NALF1: variants seen among roughly 807,000 people sequenced by gnomAD.
The protein encoded by NALF1 is NALCN channel auxiliary factor 1, also known as family with sequence similarity 155 member A.
A neutral mutation model predicts 48.4 loss-of-function variants in NALF1; 3 were observed. The observed-to-expected ratio is 0.06, with a 90% confidence interval of 0.03 to 0.16. NALF1 has a LOEUF of 0.16. Among genes scored for constraint, NALF1 ranks in the 10% least tolerant of loss-of-function variants. The pLI is 1.00. For missense variants in NALF1, 526 were observed against 571.5 expected (o/e 0.92, Z 0.81); for synonymous variants, 262 against 245.7 (o/e 1.07, Z -0.62).
In NALF1 at chr13:107,175,794, C is replaced by G. The variant is rs115738552; in HGVS notation, c.1088-5008G>C. Among the ~76,000 whole-genome samples the G allele has an allele frequency of 7.6e-3, 1,151 of 152,228 alleles. 18 individuals carry two copies. The highest frequency in any genetic ancestry group is 0.026 in the African/African-American group (1,064 of 41,538). On this transcript the variant is annotated intron_variant, in intron 2 of 2. Coordinates refer to ENST00000375915, the MANE Select transcript of NALF1 (RefSeq NM_001080396.3). ...CAGTGCTACCTACAGATGGTTTCAC[C>G]CTGCATTCCTCCCGGACACTGCCCT...
At chr13:107,751,915 A>G (rs1876951966) in intron 1 of NALF1, among the ~76,000 whole-genome samples, 1 of 152,042 alleles carries the variant, frequency 6.6e-6, no homozygotes, top group African/African-American at 2.4e-5. Flanking sequence ...GGTGCTTGGA[A>G]TTTTACCTCT....
chr13:107,616,525 C>T (rs1241392091), intron 1 of NALF1, among the ~76,000 whole-genome samples: 1 of 152,112 alleles, frequency 6.6e-6, no homozygotes, highest in Non-Finnish European at 1.5e-5. Context: ...AAACAAAATA[C>T]AGATTTGGTT....
At chr13:107,774,475 T>G (rs2138572813) in intron 1 of NALF1, among the ~76,000 whole-genome samples, 1 of 152,326 alleles carries the variant, frequency 6.6e-6, no homozygotes, top group East Asian at 1.9e-4. Context: ...ATATGTTCCG[T>G]TATCTTTTCC....
intron 1 of NALF1, among the ~76,000 whole-genome samples, chr13:107,605,648 T>C (rs571457382): frequency 2.6e-5 from 4 of 152,334 alleles, no homozygotes; most frequent in Non-Finnish European, 4.4e-5. Context: ...AATTTCCATC[T>C]ATGTACATAT....
chr13:107,663,129 A>C (rs185253419), intron 1 of NALF1, among the ~76,000 whole-genome samples: 42 of 152,294 alleles, frequency 2.8e-4, no homozygotes, highest in African/African-American at 1.0e-3. Flanking sequence ...GGTACTATAT[A>C]ACTATCATAT....
chr13:107,559,978 GA>G (rs61273869), intron 1 of NALF1, among the ~76,000 whole-genome samples: 3,223 of 152,222 alleles, frequency 0.021, 109 homozygotes, highest in African/African-American at 0.074. Flanking sequence ...GTAGCCCAAG[GA>G]AGGAGGCGGA....
chr13:107,645,360 C>G (rs1163836635), intron 1 of NALF1, among the ~76,000 whole-genome samples: 1 of 151,994 alleles, frequency 6.6e-6, no homozygotes, highest in Non-Finnish European at 1.5e-5. Context: ...GAATAATGTC[C>G]CCACCTTCAA....
intron 1 of NALF1, among the ~76,000 whole-genome samples, chr13:107,479,544 T>A (rs549348622): frequency 1.3e-5 from 2 of 152,148 alleles, no homozygotes; most frequent in African/African-American, 4.8e-5. Context: ...ACCTTCATAA[T>A]TGTGACTTTC....
At chr13:107,863,018 TAATA>T (rs1320279792) in intron 1 of NALF1, among the ~76,000 whole-genome samples, 2 of 151,048 alleles carry the variant, frequency 1.3e-5, no homozygotes, top group African/African-American at 2.4e-5. Context: ...TCTACAATCT[TAATA>T]AATATATTTA....
chr13:107,304,928 G>A (rs920206675), intron 1 of NALF1, among the ~76,000 whole-genome samples: 2 of 152,126 alleles, frequency 1.3e-5, no homozygotes, highest in Non-Finnish European at 2.9e-5. Context: ...AAAGTCTTAG[G>A]AGGTCTTATT....
At chr13:107,447,924 C>G (rs976903887) in intron 1 of NALF1, among the ~76,000 whole-genome samples, 3 of 152,146 alleles carry the variant, frequency 2.0e-5, no homozygotes, top group African/African-American at 7.2e-5. Context: ...GTTGTAGAGT[C>G]CTGCTGAAGT....
intron 1 of NALF1, among the ~76,000 whole-genome samples, chr13:107,458,392 C>T (rs544276471): frequency 6.6e-6 from 1 of 152,288 alleles, no homozygotes; most frequent in Non-Finnish European, 1.5e-5. Flanking sequence ...CCCACACAGG[C>T]GGAACAGTGT....
intron 1 of NALF1, among the ~76,000 whole-genome samples, chr13:107,416,490 A>G (rs1884091830): frequency 6.6e-6 from 1 of 152,070 alleles, no homozygotes; most frequent in Non-Finnish European, 1.5e-5. Context: ...GAAGACCTCT[A>G]TGATTATCCA....
At chr13:107,851,089 T>C (rs1543003) in intron 1 of NALF1, among the ~76,000 whole-genome samples, 104,626 of 151,872 alleles carry the variant, frequency 0.69, 37,681 homozygotes, top group Non-Finnish European at 0.79. Context: ...CAGTTTACCC[T>C]CATGGTTGAA....
intron 1 of NALF1, among the ~76,000 whole-genome samples, chr13:107,348,700 C>T (rs1206574510): frequency 4.0e-5 from 6 of 151,502 alleles, no homozygotes; most frequent in Admixed American, 3.3e-4. Flanking sequence ...TAACCATTAA[C>T]AGAGTGTTTA....
At chr13:107,605,129 C>T (rs866865613) in intron 1 of NALF1, among the ~76,000 whole-genome samples, 14 of 152,278 alleles carry the variant, frequency 9.2e-5, no homozygotes, top group Middle Eastern at 6.8e-3. Flanking sequence ...TTAGCTGCTG[C>T]AATACCCAAA....
chr13:107,635,575 G>C (rs977912715), intron 1 of NALF1, among the ~76,000 whole-genome samples: 8 of 152,022 alleles, frequency 5.3e-5, no homozygotes, highest in African/African-American at 1.9e-4. Context: ...TGTGTTCTCT[G>C]TATGCAAGCC....
intron 1 of NALF1, among the ~76,000 whole-genome samples, chr13:107,814,359 A>G (rs1030656112): frequency 1.3e-5 from 2 of 152,186 alleles, no homozygotes; most frequent in Non-Finnish European, 1.5e-5. Context: ...TTTACTGGCC[A>G]TCCAGGTCCT....
chr13:107,357,294 A>G (rs1222386287), intron 1 of NALF1, among the ~76,000 whole-genome samples: 3 of 152,120 alleles, frequency 2.0e-5, no homozygotes, highest in East Asian at 3.9e-4. Context: ...AAGGGGGAAG[A>G]GTCCCTTATA....
Sources: allele counts gnomAD v4.1 joint callset (sites outside exome capture counted in the v4.1 genomes callset), GRCh38; gene constraint gnomAD v4.1.1; transcripts MANE v1.5; gene names NCBI Gene and HGNC (gene_info 2026-07-23, HGNC 2026-07-21).